The following DDX3X variants were observed in gnomAD, a reference collection of about 807,000 sequenced individuals.
DDX3X encodes the protein ATP-dependent RNA helicase DDX3X.
A neutral mutation model predicts 52.7 loss-of-function variants in DDX3X; 4 were observed. The observed-to-expected ratio is 0.08, with a 90% confidence interval of 0.04 to 0.17. The LOEUF is 0.17. DDX3X is among the 10% of genes least tolerant of loss of function. The pLI is 1.00. For synonymous variants in DDX3X, 192 were observed against 178.1 expected (o/e 1.08, Z -0.62); for missense variants, 222 against 548.6 (o/e 0.40, Z 5.95).
At chrX:41,354,342 C>CCCTTTTTTTTT (rs2064000303), downstream of DDX3X, among the ~76,000 whole-genome samples, 1 of 46,309 alleles carries the variant, frequency 2.2e-5, no homozygotes, top group African/African-American at 1.3e-4. Context: ...CTTGTGCTAC[C>CCCTTTTTTTTT]TCTTTTTTTT....
chrX:41,353,805 T>TAC (rs751213463), downstream of DDX3X, among the ~76,000 whole-genome samples: 647 of 101,584 alleles, frequency 6.4e-3, 1 homozygote, highest in African/African-American at 0.012. Flanking sequence ...TACACACGCA[T>TAC]ACACACACAC....
At chrX:41,334,667 G>C in intron 1 of DDX3X, 1 of 1,040,590 alleles carries the variant, frequency 9.6e-7, no homozygotes, top group Non-Finnish European at 1.3e-6. Context: ...GCGACTGGAG[G>C]CCCTTTTGGC....
At chrX:41,353,617 A>C (rs771957271), downstream of DDX3X, among the ~76,000 whole-genome samples, 163 of 108,198 alleles carry the variant, frequency 1.5e-3, no homozygotes, top group African/African-American at 5.4e-3. Context: ...AAAAAAAAAA[A>C]AAAATTAGCT....
At chrX:41,343,856 A>C in intron 8 of DDX3X, 34 bp downstream of exon 8, 1 of 1,135,985 alleles carries the variant, frequency 8.8e-7, no homozygotes, top group African/African-American at 1.8e-5. Flanking sequence ...GAAATTGTAG[A>C]ACTTTGTAGG....
At position 41,342,579 on chromosome X, in the gene DDX3X, A is replaced by G; in HGVS notation, c.369A>G (p.Gly123=). Residue 123 remains glycine, a synonymous_variant, in exon 5 of 17, where the codon GGA becomes GGG. Coordinates refer to ENST00000644876, the MANE Select transcript of DDX3X (RefSeq NM_001356.5). Reference sequence around the variant, plus strand: ...GCTTTGGCAAATTTGAACGTGGTGGAAACAGTCGCTGGTGTGACAAATCAG... The same window carrying G: ...GCTTTGGCAAATTTGAACGTGGTGGGAACAGTCGCTGGTGTGACAAATCAG... The part of the protein sequence containing the change: ...RSGFGKFERG[G]NSRWCDKSDE... 2.5e-6 allele frequency: 3 copies of G among 1,212,063 alleles called. No individual in the cohort carries two copies. The highest frequency in any genetic ancestry group is 3.3e-6 in the Non-Finnish European group (3 of 895,552).
At chrX:41,343,087 A>C (rs2063872857) in intron 6 of DDX3X, 129 bp from the exon 7 acceptor site, 1 of 842,412 alleles carries the variant, frequency 1.2e-6, no homozygotes, top group African/African-American at 2.1e-5. Flanking sequence ...TTCTCAAAGT[A>C]TAATGTGATA....
intron 5 of DDX3X, among the ~76,000 whole-genome samples, chrX:41,355,875 AAC>A: frequency 9.1e-6 from 1 of 110,062 alleles, no homozygotes; most frequent in Non-Finnish European, 1.9e-5. Context: ...GGTGATGTTG[AAC>A]ATCTTTTCGT....
downstream of DDX3X, chrX:41,350,532 T>A (rs190542968): frequency 3.6e-5 from 4 of 111,926 alleles, no homozygotes; most frequent in East Asian, 2.8e-4. Context: ...GTATCTATTA[T>A]GAAGGATGGT....
downstream of DDX3X, among the ~76,000 whole-genome samples, chrX:41,354,438 C>G (rs901948240): frequency 9.7e-6 from 1 of 103,177 alleles, no homozygotes; most frequent in Non-Finnish European, 1.9e-5. Flanking sequence ...ATCCTCCCAC[C>G]TCAGCCTCCT....
intron 3 of DDX3X, chrX:41,340,559 C>G (rs4827268): frequency 3.3e-5 from 8 of 245,128 alleles, no homozygotes; most frequent in African/African-American, 2.3e-4. Flanking sequence ...ATCCCCTTAC[C>G]TGGATATTTA....
chrX:41,362,047 C>A (rs1205560303), intron 5 of DDX3X, among the ~76,000 whole-genome samples: 2 of 107,156 alleles, frequency 1.9e-5, no homozygotes, highest in African/African-American at 6.8e-5. Context: ...CCCACTGCAT[C>A]ATCACCACTG....
chrX:41,344,460 A>T, intron 10 of DDX3X, 61 bp downstream of exon 10: 1 of 1,164,555 alleles, frequency 8.6e-7, no homozygotes, highest in Non-Finnish European at 1.2e-6. Flanking sequence ...TGTTTTTGGC[A>T]GAGTTGCGCT....
chrX:41,344,924 T>TA (rs1466037057), intron 10 of DDX3X, among the ~76,000 whole-genome samples: 1 of 111,816 alleles, frequency 8.9e-6, no homozygotes, highest in Non-Finnish European at 1.9e-5. Context: ...GGTTGAGACT[T>TA]ACAACAATGA....
At chrX:41,334,628 G>C (rs1484141840) in intron 1 of DDX3X, 8 of 1,080,870 alleles carry the variant, frequency 7.4e-6, no homozygotes, top group Non-Finnish European at 9.7e-6. Context: ...ACCTGGGGGG[G>C]TTTGCGGGAG....
chrX:41,336,339 A>C (rs1343140753), intron 1 of DDX3X: 2 of 112,173 alleles, frequency 1.8e-5, no homozygotes, highest in South Asian at 3.7e-4. Flanking sequence ...TAGAATGAAG[A>C]GGCTTTTGAG....
intron 14 of DDX3X, 91 bp downstream of exon 14, chrX:41,346,713 A>AT: frequency 1.1e-6 from 1 of 949,765 alleles, no homozygotes; most frequent in South Asian, 2.3e-5. Flanking sequence ...ATTTTTAACA[A>AT]TGAAAGTGAC....
At chrX:41,335,327 C>A (rs1320416817) in intron 1 of DDX3X, 1 of 111,360 alleles carries the variant, frequency 9.0e-6, no homozygotes, top group African/African-American at 3.3e-5. Flanking sequence ...AAACACCCGG[C>A]TTAGGGGGGA....
At chrX:41,347,038 G>A (rs796357417) in intron 15 of DDX3X, 26 bp downstream of exon 15, 3 of 1,171,729 alleles carry the variant, frequency 2.6e-6, no homozygotes, top group Non-Finnish European at 3.5e-6. Flanking sequence ...TATATAATGA[G>A]GGGAATGGGT....
At chrX:41,358,222 C>T (rs1167397190) in intron 5 of DDX3X, among the ~76,000 whole-genome samples, 2 of 108,293 alleles carry the variant, frequency 1.8e-5, no homozygotes, top group Non-Finnish European at 3.8e-5. Flanking sequence ...GGATTACAGG[C>T]ATGCGCCACT....
Sources: allele counts gnomAD v4.1 joint callset (sites outside exome capture counted in the v4.1 genomes callset), GRCh38; gene constraint gnomAD v4.1.1; transcripts MANE v1.5; gene names NCBI Gene and HGNC (gene_info 2026-07-23, HGNC 2026-07-21).